CYB5D2: variants seen among roughly 807,000 people sequenced by gnomAD.
CYB5D2 encodes neuferricin.
In CYB5D2, 23 loss-of-function variants were observed where a neutral mutation model predicts 22.8. The ratio of observed to expected loss-of-function variants is 1.01; its 90% CI spans 0.73 to 1.43. CYB5D2 has a LOEUF of 1.43. Among genes scored for constraint, CYB5D2 ranks in the 40% most tolerant of loss-of-function variants. The pLI is 0.00. For synonymous variants in CYB5D2, 170 were observed against 152.2 expected (o/e 1.12, Z -0.86); for missense variants, 373 against 357.2 (o/e 1.04, Z -0.36).
At chr17:4,156,288 G>A (rs909431297) in intron 3 of CYB5D2, among the ~76,000 whole-genome samples, 22 of 152,242 alleles carry the variant, frequency 1.4e-4, no homozygotes, top group Non-Finnish European at 2.6e-4. Context: ...TGAATCCTCC[G>A]TGTCTGAAGC....
chr17:4,149,806 A>G, intron 1 of CYB5D2, 85 bp from the exon 2 acceptor site: 1 of 1,536,468 alleles, frequency 6.5e-7, no homozygotes, highest in Non-Finnish European at 8.8e-7. Flanking sequence ...CTCAAAAAAA[A>G]AAGAAAAAGA....
chr17:4,143,529 G>GA lies in CYB5D2; in HGVS notation c.-212dup, dbSNP rs57320078. 0.012 allele frequency: 4,285 copies of GA among 355,324 alleles called. No individual in the cohort carries two copies. The highest frequency in any genetic ancestry group is 0.018 in the East Asian group (336 of 18,772). The allele number at this position is 355,324 out of a possible 1,614,324, so 22.0% of individuals were successfully genotyped here. ...CAACAAGAGCTAAAACTCTGTCTCA[G>GA]AAAAAAAAAAAAAAAGTACCTGGAA... On this transcript the variant is annotated 5_prime_UTR_variant, in exon 1 of 4. Transcript: ENST00000301391.
chr17:4,150,236 G>A (rs949073432), intron 2 of CYB5D2, among the ~76,000 whole-genome samples: 3 of 152,200 alleles, frequency 2.0e-5, no homozygotes, highest in African/African-American at 7.2e-5. Flanking sequence ...AGTCTTGGGA[G>A]AGGATTACTA....
intron 2 of CYB5D2, 104 bp from the exon 3 acceptor site, chr17:4,154,570 C>A: frequency 7.4e-7 from 1 of 1,343,914 alleles, no homozygotes; most frequent in Non-Finnish European, 1.0e-6. Context: ...TAAACGCGCA[C>A]CAGCAGGACT....
chr17:4,155,822 T>A (rs1201830534), intron 3 of CYB5D2, among the ~76,000 whole-genome samples: 4 of 152,214 alleles, frequency 2.6e-5, no homozygotes, highest in Non-Finnish European at 2.9e-5. Flanking sequence ...CTCCTGAACC[T>A]CTTCTTGCTT....
intron 2 of CYB5D2, among the ~76,000 whole-genome samples, chr17:4,154,032 A>G (rs1296335941): frequency 6.6e-6 from 1 of 152,224 alleles, no homozygotes; most frequent in Non-Finnish European, 1.5e-5. Context: ...TTTGCACCTC[A>G]GGACTGGGCT....
At chr17:4,144,066 G>A in intron 1 of CYB5D2, 61 bp downstream of exon 1, 1 of 1,521,784 alleles carries the variant, frequency 6.6e-7, no homozygotes, top group Non-Finnish European at 8.8e-7. Flanking sequence ...CCACCTGCGC[G>A]TCGTTCGTTG....
intron 1 of CYB5D2, 93 bp downstream of exon 1, chr17:4,144,098 C>T (rs1470473625): frequency 2.7e-6 from 4 of 1,473,460 alleles, no homozygotes; most frequent in South Asian, 1.4e-5. Context: ...ATCTATTTCC[C>T]CCCCCATCCC....
In CYB5D2 at chr17:4,156,876, A is replaced by G; in HGVS notation, c.589A>G (p.Ser197Gly). 6.2e-7 allele frequency: 1 copy of G among 1,612,670 alleles called. No individual in the cohort carries two copies. Among genetic ancestry groups the G allele is most frequent in the Non-Finnish European group, 8.5e-7 (1 of 1,179,998 alleles). Residue 197 changes from serine to glycine, a missense_variant, in exon 4 of 4, where the codon AGC (serine) becomes GGC (glycine). Ser to Gly is a moderately conservative substitution (Grantham distance 56, BLOSUM62 0). Coordinates refer to ENST00000301391, the MANE Select transcript of CYB5D2 (RefSeq NM_144611.4). The part of the protein sequence containing the change: ...LWCSQKSGGV[S>G]RDWIGVPRKL... The stretch of plus-strand genomic sequence containing the variant: ...TCCGTCTATCCTTAGTGGAGGTGTG[A>G]GCAGAGACTGGATTGGCGTCCCCAG...
intron 1 of CYB5D2, 100 bp from the exon 2 acceptor site, chr17:4,149,791 T>C (rs962660360): frequency 4.0e-5 from 58 of 1,461,964 alleles, no homozygotes; most frequent in Middle Eastern, 1.8e-4. Context: ...AGAGTGCGAC[T>C]CCGTCTCAAA....
chr17:4,143,842 G>C lies in CYB5D2; in HGVS notation c.87G>C (p.Trp29Cys), dbSNP rs374430121. Reference protein sequence around the residue: ...AVMAARLMGWWGPRAGFRLFI... With the variant: ...AVMAARLMGWCGPRAGFRLFI... ...TGGCAGCACGGCTTATGGGCTGGTGGGGTCCCCGCGCTGGCTTTCGCCTTT... is the reference window on the plus strand; with the variant it reads ...TGGCAGCACGGCTTATGGGCTGGTGCGGTCCCCGCGCTGGCTTTCGCCTTT... Residue 29 changes from tryptophan (W) to cysteine (C), a missense_variant, in exon 1 of 4, where the codon TGG becomes TGC. Trp to Cys is a radical substitution (Grantham distance 215). Transcript: ENST00000301391. 1.9e-6 allele frequency: 3 copies of C among 1,614,116 alleles called. No individual in the cohort carries two copies. The highest frequency in any genetic ancestry group is 2.5e-6 in the Non-Finnish European group (3 of 1,180,000).
At chr17:4,153,298 G>C (rs907129825) in intron 2 of CYB5D2, among the ~76,000 whole-genome samples, 3 of 151,960 alleles carry the variant, frequency 2.0e-5, no homozygotes, top group Non-Finnish European at 2.9e-5. Context: ...CGAGACCTGA[G>C]GAGAGTGTGC....
At chr17:4,156,442 A>G (rs2059113160) in intron 3 of CYB5D2, among the ~76,000 whole-genome samples, 1 of 152,248 alleles carries the variant, frequency 6.6e-6, no homozygotes, top group Non-Finnish European at 1.5e-5. Flanking sequence ...CCCAGAGAAG[A>G]AGGTGAAGAC....
rs2058919242 is a variant in CYB5D2 at position 4,143,596 on chromosome 17, AGATAAAAC to A, written c.-157_-150del. ...AGCTTTTCGCCAGTGCCAGGAATAC[AGATAAAAC>A]GAGAGAGACTAAGGGAGGGAGCGCG... On this transcript the variant is annotated 5_prime_UTR_variant, in exon 1 of 4. Coordinates refer to ENST00000301391, the MANE Select transcript of CYB5D2 (RefSeq NM_144611.4). 2.4e-5 allele frequency: 24 copies of A among 1,014,304 alleles called. No homozygotes were observed. The South Asian group carries it at 4.3e-4, about 18-fold the overall frequency. The allele number at this position is 1,014,304 out of a possible 1,614,324, so 62.8% of individuals were successfully genotyped here. A position where few individuals can be genotyped will look rare whatever the true frequency, so the allele number is the denominator to read the frequency against.
chr17:4,151,232 T>C (rs1183346084), intron 2 of CYB5D2, among the ~76,000 whole-genome samples: 4 of 152,166 alleles, frequency 2.6e-5, no homozygotes, highest in Admixed American at 2.6e-4. Context: ...TTCTCTCGTA[T>C]GCCCAAGATC....
rs1316994268 is a variant in CYB5D2, at chr17:4,143,635, T to TA, written c.-120dup. On this transcript the variant is annotated 5_prime_UTR_variant, in exon 1 of 4. Transcript: ENST00000301391. Reference sequence around the variant, plus strand: ...AGACTAAGGGAGGGAGCGCGAGCACTAGCGCGCGAGAGAGAGAGCGAGAGC... The same window carrying TA: ...AGACTAAGGGAGGGAGCGCGAGCACTAAGCGCGCGAGAGAGAGAGCGAGAGC... 1.1e-5 allele frequency: 15 copies of TA among 1,389,266 alleles called. No homozygotes were observed. Among genetic ancestry groups the TA allele is most frequent in the Non-Finnish European group, 1.4e-5 (14 of 1,027,440 alleles). The allele number at this position is 1,389,266 out of a possible 1,614,324, so 86.1% of individuals were successfully genotyped here.
intron 2 of CYB5D2, chr17:4,150,864 C>G (rs1195557518): frequency 6.6e-6 from 1 of 152,212 alleles, no homozygotes; most frequent in South Asian, 2.1e-4. Flanking sequence ...CCAGCCTCAA[C>G]GAAAGACACT....
Position 4,143,638 on chromosome 17 carries a change from C to G in CYB5D2, c.-118C>G. 3 of 1,410,432 alleles carry G rather than the reference C, an allele frequency of 2.1e-6. No homozygotes were observed. The highest frequency in any genetic ancestry group is 2.8e-5 in the South Asian group (2 of 71,744). The allele number at this position is 1,410,432 out of a possible 1,614,324, so 87.4% of individuals were successfully genotyped here. On this transcript the variant is annotated 5_prime_UTR_variant, in exon 1 of 4. Transcript: ENST00000301391. ...CTAAGGGAGGGAGCGCGAGCACTAG[C>G]GCGCGAGAGAGAGAGCGAGAGCGCG...
At chr17:4,152,643 A>G (rs560136594) in intron 2 of CYB5D2, among the ~76,000 whole-genome samples, 124 of 152,250 alleles carry the variant, frequency 8.1e-4, no homozygotes, top group South Asian at 5.8e-3. Flanking sequence ...TATAACACAG[A>G]CACCCCAACC....
Sources: gnomAD v4.1 joint callset for allele counts (sites outside exome capture counted in the v4.1 genomes callset) on GRCh38, gnomAD v4.1.1 for gene constraint, MANE v1.5 for transcripts, NCBI Gene and HGNC (gene_info 2026-07-23, HGNC 2026-07-21) for gene names.